ORC2: variants seen among roughly 807,000 people sequenced by gnomAD.
The protein encoded by ORC2 is origin recognition complex subunit 2, also known as origin recognition complex protein 2 homolog.
Under a neutral mutation model 77.7 loss-of-function variants are expected in ORC2, and 37 were observed. The observed-to-expected ratio is 0.48, with a 90% CI of 0.37 to 0.63. The LOEUF is 0.63. ORC2 is among the 20% of genes least tolerant of loss of function. The pLI, the probability that ORC2 is intolerant of heterozygous loss-of-function variation, is 0.00. For synonymous variants in ORC2, 201 were observed against 229.5 expected, an observed-to-expected ratio of 0.88 and a Z score of 1.12; for missense variants, 557 against 661.9, an observed-to-expected ratio of 0.84 and a Z score of 1.74.
At chr2:200,914,382 G>A (rs1259729208) in intron 15 of ORC2, among the ~76,000 whole-genome samples, 1 of 152,082 alleles carries the variant, frequency 6.6e-6, no homozygotes, top group African/African-American at 2.4e-5. Flanking sequence ...TAGCCAGGAT[G>A]GTCTCGATCT....
chr2:200,952,254 A>AATTTATTT (rs561351012), intron 4 of ORC2, among the ~76,000 whole-genome samples: 2 of 151,330 alleles, frequency 1.3e-5, no homozygotes, highest in Non-Finnish European at 2.9e-5. Flanking sequence ...ATATTTATAT[A>AATTTATTT]ATTTATTTAT....
At chr2:200,961,050 C>G (rs980314117) in intron 1 of ORC2, among the ~76,000 whole-genome samples, 4 of 152,174 alleles carry the variant, frequency 2.6e-5, no homozygotes, top group African/African-American at 9.7e-5. Context: ...GTTGGGATTA[C>G]AGGTGTAAGC....
At chr2:200,924,300 T>C (rs570830242) in intron 13 of ORC2, among the ~76,000 whole-genome samples, 101 of 152,142 alleles carry the variant, frequency 6.6e-4, no homozygotes, top group African/African-American at 2.4e-3. Flanking sequence ...TGAGCTGTGT[T>C]TGTGCCACTG....
intron 5 of ORC2, among the ~76,000 whole-genome samples, chr2:200,944,490 G>A (rs1217303260): frequency 6.6e-6 from 1 of 151,966 alleles, no homozygotes; most frequent in Non-Finnish European, 1.5e-5. Context: ...TCATTTTTGT[G>A]AGCACACAGA....
At position 200,925,860 on chromosome 2, in the gene ORC2, A is replaced by G; in HGVS notation, c.1123T>C (p.Trp375Arg). Residue 375 changes from tryptophan to arginine, a missense_variant, in exon 13 of 18, where the codon TGG (tryptophan) becomes CGG (arginine). Physicochemically the swap from Trp to Arg is moderately radical, Grantham distance 101 (BLOSUM62 -3). Coordinates refer to ENST00000234296, the MANE Select transcript of ORC2 (RefSeq NM_006190.5). ...CCTTCTTTAAATTTGTTTACTATCC[A>G]GTCTAGCTGATCCAGTATACTGCGG... ...TFRSILDQLD[W>R]IVNKFKEDSS... 2 of 1,589,276 alleles carry G rather than the reference A, an allele frequency of 1.3e-6. No homozygotes were observed. The highest frequency in any genetic ancestry group is 1.7e-6 in the Non-Finnish European group (2 of 1,160,060).
At chr2:200,921,410 AG>A (rs999340468) in intron 13 of ORC2, 7 of 223,852 alleles carry the variant, frequency 3.1e-5, no homozygotes, top group African/African-American at 1.4e-4. Flanking sequence ...CCAAAGTGCT[AG>A]GATCACAGAC....
At chr2:200,938,055 T>C (rs1575169635) in intron 7 of ORC2, 89 bp from the exon 8 acceptor site, 1 of 844,358 alleles carries the variant, frequency 1.2e-6, no homozygotes, top group East Asian at 2.5e-5. Flanking sequence ...GAAAAATATT[T>C]TGCTTTCAAT....
At chr2:200,911,605 G>A (rs576103654) in intron 17 of ORC2, among the ~76,000 whole-genome samples, 46 of 152,010 alleles carry the variant, frequency 3.0e-4, no homozygotes, top group African/African-American at 1.1e-3. Flanking sequence ...TAGAGGGTGG[G>A]TAGGTGGGTA....
chr2:200,956,270 C>T (rs2041462932), intron 4 of ORC2, among the ~76,000 whole-genome samples: 1 of 151,866 alleles, frequency 6.6e-6, no homozygotes, highest in Non-Finnish European at 1.5e-5. Context: ...CACTCTGTTG[C>T]CCAGGCTGGA....
At chr2:200,924,788 TCA>T (rs1374662754) in intron 13 of ORC2, among the ~76,000 whole-genome samples, 1 of 152,170 alleles carries the variant, frequency 6.6e-6, no homozygotes, top group Non-Finnish European at 1.5e-5. Context: ...AGATAGAGTC[TCA>T]CTCTATCACC....
At chr2:200,929,348 T>C (rs1381754003) in intron 11 of ORC2, among the ~76,000 whole-genome samples, 1 of 152,134 alleles carries the variant, frequency 6.6e-6, no homozygotes, top group African/African-American at 2.4e-5. Flanking sequence ...TTGATTATAT[T>C]TGGGGAATGG....
At position 200,920,232 on chromosome 2, in the gene ORC2, G is replaced by C. The variant is rs2040731795; in HGVS notation, c.1456C>G (p.Pro486Ala). The C allele has an allele frequency of 2.5e-6, 4 of 1,611,134 alleles. No homozygotes were observed. Among genetic ancestry groups the C allele is most frequent in the Non-Finnish European group, 3.4e-6 (4 of 1,178,292 alleles). ...SLTHVLRSLT[P>A]NARGIFRLLI... is the part of the protein sequence containing the mutation. The stretch of plus-strand genomic sequence containing the variant: ...GGTTTTCATCCTTACCTTGCATTAG[G>C]GGTAAGGCTTCGTAAGACATGAGTA... The change falls in exon 15 of 18, where the codon CCT (proline) becomes GCT (alanine). Residue 486 changes from proline (P) to alanine (A), a missense_variant. By Grantham distance (27) the Pro-to-Ala change is conservative (BLOSUM62 -1). Coordinates refer to ENST00000234296, the MANE Select transcript of ORC2 (RefSeq NM_006190.5).
chr2:200,961,206 G>C (rs1220972337), intron 1 of ORC2, among the ~76,000 whole-genome samples: 4 of 151,406 alleles, frequency 2.6e-5, no homozygotes, highest in African/African-American at 9.7e-5. Flanking sequence ...TTTTGAAACA[G>C]GGTCATTCAG....
chr2:200,948,798 A>G (rs1334428661), intron 5 of ORC2, among the ~76,000 whole-genome samples: 4 of 151,788 alleles, frequency 2.6e-5, no homozygotes, highest in Non-Finnish European at 5.9e-5. Flanking sequence ...TCTTGACCTC[A>G]AGGGATCTGC....
At chr2:200,943,428 T>C (rs1054186935) in intron 5 of ORC2, among the ~76,000 whole-genome samples, 1 of 152,084 alleles carries the variant, frequency 6.6e-6, no homozygotes, top group Non-Finnish European at 1.5e-5. Context: ...GAGGCCATTT[T>C]AAATAAAAAA....
intron 4 of ORC2, among the ~76,000 whole-genome samples, chr2:200,954,065 T>C (rs2041417381): frequency 6.6e-6 from 1 of 150,956 alleles, no homozygotes; most frequent in Non-Finnish European, 1.5e-5. Flanking sequence ...GGATTTTCAC[T>C]CTTGTTGCCC....
intron 3 of ORC2, 122 bp downstream of exon 3, chr2:200,957,908 T>C (rs911095640): frequency 8.8e-6 from 5 of 568,754 alleles, no homozygotes; most frequent in African/African-American, 7.5e-5. Flanking sequence ...TTTATTTAGT[T>C]TTACTAACCA....
At position 200,915,003 on chromosome 2, in the gene ORC2, C is replaced by CTTTTTTT. The variant is rs1158807101; in HGVS notation, c.1467-1018_1467-1012dup. Among the ~76,000 whole-genome samples the CTTTTTTT allele has an allele frequency of 2.9e-4, 19 of 65,282 alleles. 2 individuals are homozygous for CTTTTTTT. Among genetic ancestry groups the CTTTTTTT allele is most frequent in the South Asian group, 9.7e-4 (2 of 2,058 alleles). 42.8% of individuals were successfully genotyped at this position (65,282 alleles called of 152,430 possible). ...CTTCACTTTTTGATTCTTCCCACGT[C>CTTTTTTT]TTTTTTTTTTTTTTTTTTTTTTTTT... On this transcript the variant is annotated intron_variant, in intron 15 of 17. Transcript: ENST00000234296.
chr2:200,935,714 C>A lies in ORC2; in HGVS notation c.693G>T (p.Met231Ile). The change falls in exon 9 of 18, where the codon ATG becomes ATT. Residue 231 changes from methionine to isoleucine, a missense_variant. Met to Ile is a conservative substitution (Grantham distance 10). Transcript: ENST00000234296. ...PVGKETPSKR[M>I]KRDKTSDLVE... ...CTTCACTTACTGTTTTATCTCTTTT[C>A]ATTCTCTTAGAAGGTGTTTCTTTGC... 6.2e-7 allele frequency: 1 copy of A among 1,603,826 alleles called. No homozygotes were observed. The highest frequency in any genetic ancestry group is 8.5e-7 in the Non-Finnish European group (1 of 1,176,694).
Sources: gnomAD v4.1 joint callset for allele counts (sites outside exome capture counted in the v4.1 genomes callset) on GRCh38, gnomAD v4.1.1 for gene constraint, MANE v1.5 for transcripts, NCBI Gene and HGNC (gene_info 2026-07-23, HGNC 2026-07-21) for gene names.